The following NRG3 variants were observed in gnomAD, a reference collection of about 807,000 sequenced individuals.
NRG3 encodes neuregulin 3, also known as pro-neuregulin-3, membrane-bound isoform.
Under a neutral mutation model 66.9 loss-of-function variants are expected in NRG3, and 31 were observed. The ratio of observed to expected loss-of-function variants is 0.46; its 90% confidence interval spans 0.35 to 0.63. The LOEUF (loss-of-function observed/expected upper bound fraction) is 0.63, where lower values mean the gene tolerates loss of function less well. Ranked by LOEUF, NRG3 falls within the 20% of genes least tolerant of loss-of-function variation. The pLI, the probability that NRG3 is intolerant of heterozygous loss-of-function variation, is 0.00. For missense variants in NRG3, 910 were observed against 878.9 expected (o/e 1.04, Z -0.45); for synonymous variants, 393 against 359.4 (o/e 1.09, Z -1.06).
intron 1 of NRG3, among the ~76,000 whole-genome samples, chr10:82,188,017 A>T (rs1297381097): frequency 6.6e-6 from 1 of 152,150 alleles, no homozygotes; most frequent in Non-Finnish European, 1.5e-5. Context: ...AAGCTATCCT[A>T]AGGAAAACAA....
chr10:82,942,176 A>G (rs1028348773), intron 4 of NRG3, among the ~76,000 whole-genome samples: 1 of 152,182 alleles, frequency 6.6e-6, no homozygotes, highest in Non-Finnish European at 1.5e-5. Context: ...GGGGATATGG[A>G]GGTGCCATTT....
At chr10:82,527,472 G>C (rs1298088963) in intron 2 of NRG3, among the ~76,000 whole-genome samples, 1 of 152,112 alleles carries the variant, frequency 6.6e-6, no homozygotes, top group Non-Finnish European at 1.5e-5. Flanking sequence ...GCTGTGTTCT[G>C]TTTTTCAGCC....
intron 5 of NRG3, among the ~76,000 whole-genome samples, chr10:82,955,607 T>G (rs888544126): frequency 6.6e-6 from 1 of 151,802 alleles, no homozygotes; most frequent in African/African-American, 2.4e-5. Context: ...AACAGGTAAT[T>G]ATCACAAATG....
At chr10:82,937,370 A>T (rs902497759) in intron 4 of NRG3, among the ~76,000 whole-genome samples, 36 of 152,182 alleles carry the variant, frequency 2.4e-4, no homozygotes, top group African/African-American at 8.4e-4. Context: ...ACTGAGTCAT[A>T]GACAGGTTAA....
At chr10:82,322,260 GATAAAAATACTAGA>G in intron 1 of NRG3, among the ~76,000 whole-genome samples, 1 of 152,234 alleles carries the variant, frequency 6.6e-6, no homozygotes, top group African/African-American at 2.4e-5. Context: ...TATAAGAGTG[GATAAAAATACTAGA>G]ATTAAAATTT....
intron 1 of NRG3, among the ~76,000 whole-genome samples, chr10:82,143,006 C>T (rs1281169713): frequency 6.7e-5 from 10 of 149,824 alleles, no homozygotes; most frequent in African/African-American, 9.9e-5. Flanking sequence ...TGGGCTCAAG[C>T]GATCCTCCTG....
intron 1 of NRG3, among the ~76,000 whole-genome samples, chr10:81,977,606 T>A (rs750700100): frequency 1.3e-5 from 2 of 152,216 alleles, no homozygotes; most frequent in Non-Finnish European, 2.9e-5. Context: ...TGGTTTACTG[T>A]GTTTTCCAAA....
At chr10:82,015,018 G>A (rs1013847578) in intron 1 of NRG3, among the ~76,000 whole-genome samples, 1 of 152,156 alleles carries the variant, frequency 6.6e-6, no homozygotes, top group East Asian at 1.9e-4. Context: ...AGCGGGAAAT[G>A]TAGGAATTTG....
intron 1 of NRG3, among the ~76,000 whole-genome samples, chr10:82,093,375 T>A (rs1431825849): frequency 1.3e-5 from 2 of 152,204 alleles, no homozygotes; most frequent in African/African-American, 4.8e-5. Context: ...CTTCTACCAT[T>A]GTGAATCTTG....
chr10:82,748,723 C>A (rs1025125987), intron 3 of NRG3, among the ~76,000 whole-genome samples: 2 of 150,638 alleles, frequency 1.3e-5, no homozygotes, highest in East Asian at 3.9e-4. Flanking sequence ...ATAATCCTCA[C>A]ACAGTGTTGT....
intron 1 of NRG3, among the ~76,000 whole-genome samples, chr10:82,089,573 A>G (rs1162572950): frequency 6.6e-6 from 1 of 152,188 alleles, no homozygotes; most frequent in African/African-American, 2.4e-5. Flanking sequence ...ACCTCTGTTC[A>G]TTCTTGCCTG....
chr10:82,851,251 T>A (rs935722680), intron 3 of NRG3, among the ~76,000 whole-genome samples: 3 of 152,184 alleles, frequency 2.0e-5, no homozygotes, highest in Non-Finnish European at 2.9e-5. Flanking sequence ...GGGATTTGCA[T>A]CAAACTTTGG....
At chr10:82,691,134 A>G (rs1054261893) in intron 2 of NRG3, among the ~76,000 whole-genome samples, 2 of 152,174 alleles carry the variant, frequency 1.3e-5, no homozygotes, top group African/African-American at 4.8e-5. Flanking sequence ...CAACCTTAAG[A>G]AAAACAGCTG....
At position 82,817,792 on chromosome 10, in the gene NRG3, G is replaced by C. The variant is rs533299361; in HGVS notation, c.1028-47619G>C. ...GAGCCTTTCTCCCTTGCTTCTTTTT[G>C]TATAGCAGCTTTTACATGGTAGCTG... On this transcript the variant is annotated intron_variant, in intron 3 of 8. Transcript: ENST00000372141. Among the ~76,000 whole-genome samples the C allele has an allele frequency of 6.6e-5, 10 of 152,326 alleles. No individual in the cohort carries two copies. In the East Asian group the frequency reaches 9.6e-4, roughly 15 times the overall value.
At chr10:82,589,681 C>T (rs986736682) in intron 2 of NRG3, among the ~76,000 whole-genome samples, 3 of 152,110 alleles carry the variant, frequency 2.0e-5, no homozygotes, top group African/African-American at 7.2e-5. Flanking sequence ...GAGGTAAATG[C>T]ATAGTTCCAC....
chr10:82,585,769 G>A (rs1262769405), intron 2 of NRG3, among the ~76,000 whole-genome samples: 1 of 152,110 alleles, frequency 6.6e-6, no homozygotes, highest in Non-Finnish European at 1.5e-5. Context: ...CTCCTTCAAA[G>A]CACTGAATTA....
intron 1 of NRG3, among the ~76,000 whole-genome samples, chr10:82,200,386 A>G (rs2074731207): frequency 6.6e-6 from 1 of 152,156 alleles, no homozygotes; most frequent in South Asian, 2.1e-4. Flanking sequence ...AGATGCACAT[A>G]TTTGTTGAAT....
intron 1 of NRG3, among the ~76,000 whole-genome samples, chr10:81,910,180 C>G (rs1844994446): frequency 6.6e-6 from 1 of 152,160 alleles, no homozygotes; most frequent in African/African-American, 2.4e-5. Flanking sequence ...GTCACCTACT[C>G]TTTCCTTTCA....
intron 1 of NRG3, among the ~76,000 whole-genome samples, chr10:82,125,924 C>T (rs968314412): frequency 2.0e-5 from 3 of 152,028 alleles, no homozygotes; most frequent in African/African-American, 7.2e-5. Flanking sequence ...AGCAATTAAT[C>T]TATTAGATAG....
Sources: allele counts gnomAD v4.1 joint callset (sites outside exome capture counted in the v4.1 genomes callset), GRCh38; gene constraint gnomAD v4.1.1; transcripts MANE v1.5; gene names NCBI Gene and HGNC (gene_info 2026-07-23, HGNC 2026-07-21).